The following PCDHA9 variants were observed in gnomAD, a reference collection of about 807,000 sequenced individuals.
The protein encoded by PCDHA9 is protocadherin alpha-9.
In PCDHA9, 62 loss-of-function variants were observed where a neutral mutation model predicts 62.0. The ratio of observed to expected loss-of-function variants is 1.00; its 90% confidence interval spans 0.81 to 1.23. The LOEUF (loss-of-function observed/expected upper bound fraction) is 1.23, where lower values mean the gene tolerates loss of function less well. Among genes scored for constraint, PCDHA9 ranks in the 50% most tolerant of loss-of-function variants. PCDHA9 has a pLI of 0.00. For synonymous variants in PCDHA9, 557 were observed against 567.6 expected (o/e 0.98, Z 0.27); for missense variants, 1,205 against 1,249.8 (o/e 0.96, Z 0.54).
intron 1 of PCDHA9, among the ~76,000 whole-genome samples, chr5:140,922,066 C>A (rs1438475640): frequency 2.0e-5 from 3 of 151,528 alleles, no homozygotes; most frequent in Non-Finnish European, 4.4e-5. Context: ...TGTAGCAATC[C>A]CACTAAGCAA....
rs73793533 is a variant in PCDHA9 at position 140,949,932 on chromosome 5, T to A, written c.2395-29017T>A. On this transcript the variant is annotated intron_variant, in intron 1 of 3. Transcript: ENST00000532602. Reference sequence around the variant, plus strand: ...GATATAACTATTTTTAGATTTTTTTTAATTTGCATTTTTTAGTGGTTGCTG... The same window carrying A: ...GATATAACTATTTTTAGATTTTTTTAAATTTGCATTTTTTAGTGGTTGCTG... Among the ~76,000 whole-genome samples, 1,356 of 151,758 alleles carry A rather than the reference T, an allele frequency of 8.9e-3. 15 individuals carry two copies. The highest frequency in any genetic ancestry group is 0.032 in the African/African-American group (1,309 of 41,514).
chr5:140,966,850 CCTGCTGCTGTTG>C (rs1409933796), intron 1 of PCDHA9: 1 of 1,572,784 alleles, frequency 6.4e-7, no homozygotes, highest in Non-Finnish European at 8.6e-7. Context: ...TACTGCCTCT[CCTGCTGCTGTTG>C]CTGCTGCTGC....
chr5:140,886,730 G>A (rs2061105749), intron 1 of PCDHA9, among the ~76,000 whole-genome samples: 1 of 150,962 alleles, frequency 6.6e-6, no homozygotes, highest in Non-Finnish European at 1.5e-5. Flanking sequence ...GGAGGCTGAA[G>A]CAAGAGAATT....
Position 140,850,277 on chromosome 5 carries a change from G to T in PCDHA9, c.1782G>T (p.Val594=), listed in dbSNP as rs1554144125. Residue 594 remains valine (V), a synonymous_variant, in exon 1 of 4, where the codon GTG becomes GTT. Coordinates refer to ENST00000532602, the MANE Select transcript of PCDHA9 (RefSeq NM_031857.2). ...SVGAGVVVGK[V]RAVDADSGYN... ...GCGCCGGCGTAGTGGTGGGGAAGGT[G>T]CGCGCAGTGGACGCCGACTCGGGCT... is the stretch of plus-strand genomic sequence containing the variant. 2.5e-6 allele frequency: 4 copies of T among 1,595,522 alleles called. No homozygotes were observed. In the East Asian group the frequency reaches 8.9e-5, roughly 36 times the overall value.
intron 1 of PCDHA9, chr5:140,852,164 G>A (rs1176947336): frequency 2.4e-6 from 2 of 829,782 alleles, no homozygotes; most frequent in Non-Finnish European, 3.0e-6. Context: ...TGAGAATAGA[G>A]CCACAAAAAT....
rs2150513075 is a variant in PCDHA9, at chr5:140,852,180, T to C, written c.2394+1291T>C. The C allele has an allele frequency of 3.0e-5, 23 of 771,014 alleles. 2 individuals carry two copies. The highest frequency in any genetic ancestry group is 3.4e-5 in the Non-Finnish European group (21 of 620,092). The allele number at this position is 771,014 out of a possible 1,614,324, so 47.8% of individuals were successfully genotyped here. On this transcript the variant is annotated intron_variant, in intron 1 of 3. Coordinates refer to ENST00000532602, the MANE Select transcript of PCDHA9 (RefSeq NM_031857.2). ...GAGAATAGAGCCACAAAAATAACTATGAAAATGCCAGTAACGTTTATTTAA... is the reference window on the plus strand; with the variant it reads ...GAGAATAGAGCCACAAAAATAACTACGAAAATGCCAGTAACGTTTATTTAA...
chr5:140,985,233 G>C (rs1447323173), intron 3 of PCDHA9, among the ~76,000 whole-genome samples: 4 of 152,084 alleles, frequency 2.6e-5, no homozygotes, highest in Non-Finnish European at 5.9e-5. Flanking sequence ...CACCGCGCCT[G>C]GCCTAATCTT....
chr5:140,971,202 C>T (rs1486022070), intron 1 of PCDHA9, among the ~76,000 whole-genome samples: 1 of 152,156 alleles, frequency 6.6e-6, no homozygotes, highest in Non-Finnish European at 1.5e-5. Context: ...AGGAAAGACA[C>T]TGTTACCCTC....
At chr5:140,984,247 C>G (rs1394918677) in intron 3 of PCDHA9, among the ~76,000 whole-genome samples, 2 of 152,138 alleles carry the variant, frequency 1.3e-5, no homozygotes, top group Non-Finnish European at 2.9e-5. Flanking sequence ...GTAGGTCGAC[C>G]TGGTAAGCCA....
intron 1 of PCDHA9, among the ~76,000 whole-genome samples, chr5:140,894,053 T>C (rs782239740): frequency 2.4e-4 from 37 of 152,336 alleles, no homozygotes; most frequent in Non-Finnish European, 5.1e-4. Context: ...CTCTGTTGAA[T>C]TGATTTTTAA....
At chr5:140,868,805 C>T (rs1316864299) in intron 1 of PCDHA9, 7 of 356,302 alleles carry the variant, frequency 2.0e-5, no homozygotes, top group African/African-American at 1.4e-4. Context: ...TAAATAAGCA[C>T]GTTGGAAATA....
At chr5:140,911,518 T>C (rs531265598) in intron 1 of PCDHA9, among the ~76,000 whole-genome samples, 1 of 152,346 alleles carries the variant, frequency 6.6e-6, no homozygotes, top group East Asian at 1.9e-4. Flanking sequence ...TATCTGCTTC[T>C]GAAGCTAGGA....
chr5:140,851,773 T>C lies in PCDHA9; in HGVS notation c.2394+884T>C. On this transcript the variant is annotated intron_variant, in intron 1 of 3. Transcript: ENST00000532602. ...TAACTTAAAACATTACCCTTATGAA[T>C]TTAGATGAGAATTCACTTGTTCTGT... 11 of 967,796 alleles carry C rather than the reference T, an allele frequency of 1.1e-5. 2 individuals carry two copies. The highest frequency in any genetic ancestry group is 1.4e-5 in the Non-Finnish European group (11 of 800,744). The allele number at this position is 967,796 out of a possible 1,614,324, so 60.0% of individuals were successfully genotyped here.
intron 3 of PCDHA9, among the ~76,000 whole-genome samples, chr5:141,007,135 C>G (rs1183279253): frequency 2.6e-5 from 4 of 152,074 alleles, no homozygotes; most frequent in Non-Finnish European, 5.9e-5. Context: ...GATGAGGAGA[C>G]TGACAAAGGA....
intron 1 of PCDHA9, chr5:140,928,202 A>G: frequency 6.2e-7 from 1 of 1,614,210 alleles, no homozygotes; most frequent in Non-Finnish European, 8.5e-7. Flanking sequence ...TCAGTTGCTG[A>G]TGTGAATGAC....
In PCDHA9 at chr5:141,007,395, CAAAAAAAAA is replaced by C. The variant is rs35800918; in HGVS notation, c.2543-2217_2543-2209del. 1.6e-4 allele frequency among the ~76,000 whole-genome samples: 15 copies of C among 94,844 alleles called. No individual in the cohort carries two copies. The East Asian group carries it at 2.4e-3, about 15-fold the overall frequency. The allele number at this position is 94,844 out of a possible 152,430, so 62.2% of individuals were successfully genotyped here. A position where few individuals can be genotyped will look rare whatever the true frequency, so the allele number is the denominator to read the frequency against. On this transcript the variant is annotated intron_variant, in intron 3 of 3. Transcript: ENST00000532602. The stretch of plus-strand genomic sequence containing the variant: ...ATGGAACACCATCTCTACTAAAATA[CAAAAAAAAA>C]AAAAAAAAAAAAAATTAGCCAGGCA...
chr5:140,965,305 A>G (rs2095888625), intron 1 of PCDHA9, among the ~76,000 whole-genome samples: 2 of 152,136 alleles, frequency 1.3e-5, no homozygotes, highest in African/African-American at 4.8e-5. Context: ...TGATCCTTCT[A>G]CCTTCTCTTT....
At chr5:140,865,558 T>C (rs991717581) in intron 1 of PCDHA9, 1 of 152,224 alleles carries the variant, frequency 6.6e-6, no homozygotes, top group Non-Finnish European at 1.5e-5. Flanking sequence ...AGAGCCAATA[T>C]TGATCAGTAA....
At chr5:140,936,419 TTTAA>T (rs1159041231) in intron 1 of PCDHA9, among the ~76,000 whole-genome samples, 4 of 152,184 alleles carry the variant, frequency 2.6e-5, no homozygotes, top group Non-Finnish European at 5.9e-5. Context: ...TGTTACTAAT[TTTAA>T]TTAATTTAAG....
Sources: gnomAD v4.1 joint callset for allele counts (sites outside exome capture counted in the v4.1 genomes callset) on GRCh38, gnomAD v4.1.1 for gene constraint, MANE v1.5 for transcripts, NCBI Gene and HGNC (gene_info 2026-07-23, HGNC 2026-07-21) for gene names.